The following CCNB3 variants were observed in gnomAD, a reference collection of about 807,000 sequenced individuals.
CCNB3 encodes the protein cyclin B3, also known as G2/mitotic-specific cyclin-B3.
CCNB3 carries 12 observed loss-of-function variants against 68.0 expected under a neutral mutation model. That is an observed-to-expected ratio of 0.18 (90% CI 0.11 to 0.29). CCNB3 has a LOEUF of 0.29. Among genes scored for constraint, CCNB3 ranks in the 10% least tolerant of loss-of-function variants. The probability of loss-of-function intolerance (pLI) is 1.00; values close to 1 mark genes in which losing one functional copy is unlikely to be tolerated. For missense variants in CCNB3, 904 were observed against 993.1 expected (o/e 0.91, Z 1.21); for synonymous variants, 354 against 388.9 (o/e 0.91, Z 1.06).
At chrX:50,294,565 A>T in intron 4 of CCNB3, among the ~76,000 whole-genome samples, 1 of 111,718 alleles carries the variant, frequency 9.0e-6, no homozygotes, top group African/African-American at 3.3e-5. Flanking sequence ...GCCAGCTAGT[A>T]GGCCTGGCAT....
chrX:50,297,475 T>G (rs1350291880), intron 5 of CCNB3, among the ~76,000 whole-genome samples: 1 of 111,899 alleles, frequency 8.9e-6, no homozygotes, highest in Non-Finnish European at 1.9e-5. Context: ...CTCTGTTCTG[T>G]TCCATTGGTC....
rs185015794 is a variant in CCNB3, at chrX:50,348,567, G to C, written c.3960+792G>C. 1.9e-3 allele frequency among the ~76,000 whole-genome samples: 208 copies of C among 111,776 alleles called. 2 individuals carry two copies. The highest frequency in any genetic ancestry group is 9.3e-3 in the Middle Eastern group (2 of 216). On this transcript the variant is annotated intron_variant, in intron 11 of 12. Transcript: ENST00000376042. ...AGCCATACTGAAATTTCTTGAAACA[G>C]AGAAAGCATTCAATAAATGATAGTG...
intron 1 of CCNB3, among the ~76,000 whole-genome samples, chrX:50,228,814 T>G (rs1238781686): frequency 7.9e-5 from 6 of 76,125 alleles, no homozygotes; most frequent in African/African-American, 1.6e-4. Context: ...ATATAGAATA[T>G]ATATATAGAA....
intron 1 of CCNB3, among the ~76,000 whole-genome samples, chrX:50,223,539 T>TGCA (rs1307278032): frequency 9.0e-6 from 1 of 111,501 alleles, no homozygotes; most frequent in African/African-American, 3.3e-5. Context: ...GCAGGTCTGC[T>TGCA]GGAGTTTGCT....
intron 1 of CCNB3, among the ~76,000 whole-genome samples, chrX:50,217,418 G>A (rs1196205826): frequency 4.6e-5 from 5 of 108,407 alleles, no homozygotes; most frequent in Admixed American, 9.9e-5. Context: ...GACTACAGGC[G>A]TCCGCCACCA....
intron 1 of CCNB3, among the ~76,000 whole-genome samples, chrX:50,228,671 G>C (rs1193229165): frequency 6.4e-5 from 5 of 77,726 alleles, no homozygotes; most frequent in Non-Finnish European, 1.2e-4. Flanking sequence ...AATATATATA[G>C]AATATATATA....
chrX:50,208,989 A>C (rs1296138503), intron 1 of CCNB3, among the ~76,000 whole-genome samples: 9 of 111,894 alleles, frequency 8.0e-5, no homozygotes, highest in African/African-American at 2.9e-4. Context: ...CAAGGAATTC[A>C]TCCATTTCTT....
At chrX:50,228,045 A>G (rs1290180811) in intron 1 of CCNB3, among the ~76,000 whole-genome samples, 14 of 78,603 alleles carry the variant, frequency 1.8e-4, no homozygotes, top group Non-Finnish European at 3.0e-4. Flanking sequence ...GAGAGAATAT[A>G]TATATAAATA....
At chrX:50,223,912 T>C (rs1935712222) in intron 1 of CCNB3, among the ~76,000 whole-genome samples, 1 of 112,060 alleles carries the variant, frequency 8.9e-6, no homozygotes, top group Non-Finnish European at 1.9e-5. Context: ...ATGGGAGTTT[T>C]ATCTATAAGC....
Position 50,312,581 on chromosome X carries a change from T to C in CCNB3, c.3372T>C (p.Ser1124=), listed in dbSNP as rs1557215219. Residue 1124 remains serine (S), a synonymous_variant, in exon 7 of 13, where the codon AGT becomes AGC. Coordinates refer to ENST00000376042, the MANE Select transcript of CCNB3 (RefSeq NM_033031.3). ...TTGATGAGGACAGCAGTGATCCAAG[T>C]TTCAACCCAATGTATGCCAAGGAAA... The part of the protein sequence containing the change: ...EDIDEDSSDP[S]FNPMYAKEIF... 1.7e-6 allele frequency: 2 copies of C among 1,208,463 alleles called. No individual in the cohort carries two copies. Among genetic ancestry groups the C allele is most frequent in the Admixed American group, 4.4e-5 (2 of 45,797 alleles).
At chrX:50,226,986 A>C (rs1935857501) in intron 1 of CCNB3, among the ~76,000 whole-genome samples, 1 of 77,047 alleles carries the variant, frequency 1.3e-5, no homozygotes, top group Non-Finnish European at 2.3e-5. Flanking sequence ...TAGTATATAT[A>C]TAGAATATAT....
In CCNB3 at chrX:50,285,175, A is replaced by G; in HGVS notation, c.12A>G (p.Pro4=). 2 of 1,208,826 alleles carry G rather than the reference A, an allele frequency of 1.7e-6. No individual in the cohort carries two copies. Among genetic ancestry groups the G allele is most frequent in the Non-Finnish European group, 2.2e-6 (2 of 892,943 alleles). Residue 4 remains proline (P), a synonymous_variant, in exon 3 of 13, where the codon CCA becomes CCG. Transcript: ENST00000376042. MLL[P]LPPQSSKPVP... ...TGAATCTCTAAGTGATGCTACTGCC[A>G]CTACCACCCCAGAGCTCCAAACCTG... is the stretch of plus-strand genomic sequence containing the variant.
At chrX:50,209,580 T>C (rs1351461897) in intron 1 of CCNB3, among the ~76,000 whole-genome samples, 3 of 111,776 alleles carry the variant, frequency 2.7e-5, no homozygotes, top group Non-Finnish European at 3.8e-5. Context: ...GGTCTTAAAC[T>C]CCTGACCTCA....
Position 50,281,725 on chromosome X carries a change from C to T in CCNB3, c.-112-2817C>T, listed in dbSNP as rs1602197505. 3.6e-5 allele frequency among the ~76,000 whole-genome samples: 4 copies of T among 111,434 alleles called. No homozygotes were observed. The Admixed American group carries it at 3.8e-4, about 11-fold the overall frequency. On this transcript the variant is annotated intron_variant, in intron 1 of 12. Transcript: ENST00000376042. ...TAGTACACGTGCCTGAATCAGAGTACTTTTACAAAACGTCTTTTCACAAGT... is the reference window on the plus strand; with the variant it reads ...TAGTACACGTGCCTGAATCAGAGTATTTTTACAAAACGTCTTTTCACAAGT...
chrX:50,344,301 CTTG>C (rs782758391), intron 9 of CCNB3, among the ~76,000 whole-genome samples: 2 of 112,428 alleles, frequency 1.8e-5, no homozygotes, highest in South Asian at 7.4e-4. Context: ...ACATATCCCT[CTTG>C]TTAAGTGACA....
intron 5 of CCNB3, among the ~76,000 whole-genome samples, chrX:50,300,982 A>G (rs1171028310): frequency 9.0e-6 from 1 of 110,974 alleles, no homozygotes; most frequent in Non-Finnish European, 1.9e-5. Flanking sequence ...TTTCAGCTCC[A>G]TCAGGTCCTT....
At chrX:50,290,828 G>A (rs1246803686) in intron 4 of CCNB3, among the ~76,000 whole-genome samples, 11 of 111,380 alleles carry the variant, frequency 9.9e-5, no homozygotes, top group Non-Finnish European at 1.7e-4. Context: ...TACCGTTTGC[G>A]CTCAAGTTCT....
At chrX:50,219,752 G>A (rs1238012972) in intron 1 of CCNB3, among the ~76,000 whole-genome samples, 2 of 111,342 alleles carry the variant, frequency 1.8e-5, no homozygotes, top group East Asian at 5.6e-4. Context: ...TTGGCTATCC[G>A]GGCTCTTTTT....
intron 4 of CCNB3, among the ~76,000 whole-genome samples, chrX:50,290,945 T>A (rs1360277910): frequency 8.9e-6 from 1 of 111,898 alleles, no homozygotes; most frequent in Non-Finnish European, 1.9e-5. Flanking sequence ...ACTGCAGATA[T>A]CTGAGCTCAT....
Sources: gnomAD v4.1 joint callset for allele counts (sites outside exome capture counted in the v4.1 genomes callset) on GRCh38, gnomAD v4.1.1 for gene constraint, MANE v1.5 for transcripts, NCBI Gene and HGNC (gene_info 2026-07-23, HGNC 2026-07-21) for gene names.